The following GABRB2 variants were observed in gnomAD, a reference collection of about 807,000 sequenced individuals.
GABRB2 encodes the protein gamma-aminobutyric acid receptor subunit beta-2.
GABRB2 carries 16 observed loss-of-function variants against 54.7 expected under a neutral mutation model. The ratio of observed to expected loss-of-function variants is 0.29; its 90% CI spans 0.20 to 0.44. GABRB2 has a LOEUF of 0.44. GABRB2 is among the 20% of genes least tolerant of loss of function. The probability of loss-of-function intolerance (pLI) is 1.00; values close to 1 mark genes in which losing one functional copy is unlikely to be tolerated. For missense variants in GABRB2, 355 were observed against 644.0 expected (o/e 0.55, Z 4.86); for synonymous variants, 244 against 233.8 (o/e 1.04, Z -0.40).
intron 4 of GABRB2, among the ~76,000 whole-genome samples, chr5:161,447,240 G>A (rs1441366497): frequency 6.6e-6 from 1 of 152,124 alleles, no homozygotes; most frequent in Non-Finnish European, 1.5e-5. Flanking sequence ...AAGGCAGTCA[G>A]GTCCACAACC....
chr5:161,299,814 C>T (rs1351053312), intron 9 of GABRB2, among the ~76,000 whole-genome samples: 1 of 152,106 alleles, frequency 6.6e-6, no homozygotes, highest in Non-Finnish European at 1.5e-5. Flanking sequence ...AAGATCTCAA[C>T]AACTCTATAA....
rs192691513 is a variant in GABRB2 at position 161,360,187 on chromosome 5, T to G, written c.542-23418A>C. Reference sequence around the variant, plus strand: ...CACTGGACACTCCTGTTACCTAGGTTGTAATCTGTAACTATTATATTCCAT... The same window carrying G: ...CACTGGACACTCCTGTTACCTAGGTGGTAATCTGTAACTATTATATTCCAT... On this transcript the variant is annotated intron_variant, in intron 5 of 9. Transcript: ENST00000393959. 1.4e-4 allele frequency among the ~76,000 whole-genome samples: 21 copies of G among 152,296 alleles called. No individual in the cohort carries two copies. The East Asian group carries it at 2.7e-3, about 20-fold the overall frequency.
chr5:161,512,564 T>G (rs1759807934), intron 3 of GABRB2, among the ~76,000 whole-genome samples: 1 of 151,936 alleles, frequency 6.6e-6, no homozygotes, highest in South Asian at 2.1e-4. Context: ...AAAAAACTAA[T>G]TCAGGGTGGA....
chr5:161,402,369 T>C (rs1243611270), intron 5 of GABRB2, among the ~76,000 whole-genome samples: 6 of 152,162 alleles, frequency 3.9e-5, no homozygotes, highest in Non-Finnish European at 8.8e-5. Context: ...AATATTCATA[T>C]GTGTATTTAA....
At chr5:161,492,387 G>T (rs1221003828) in intron 3 of GABRB2, among the ~76,000 whole-genome samples, 1 of 151,648 alleles carries the variant, frequency 6.6e-6, no homozygotes, top group Non-Finnish European at 1.5e-5. Context: ...CTTGATAAGT[G>T]ATCGTCTATG....
chr5:161,407,918 C>A (rs1561639757), intron 5 of GABRB2, among the ~76,000 whole-genome samples: 1 of 151,876 alleles, frequency 6.6e-6, no homozygotes, highest in African/African-American at 2.4e-5. Context: ...CTATGAAACA[C>A]CCCCCATCCC....
At chr5:161,463,550 T>TA (rs1758182295) in intron 3 of GABRB2, among the ~76,000 whole-genome samples, 132 of 28,920 alleles carry the variant, frequency 4.6e-3, no homozygotes, top group East Asian at 9.0e-3. Context: ...TCCAAATATT[T>TA]TTATTTATAT....
chr5:161,497,528 A>ATG (rs1212086112), intron 3 of GABRB2, among the ~76,000 whole-genome samples: 4 of 77,130 alleles, frequency 5.2e-5, no homozygotes, highest in African/African-American at 1.2e-4. Context: ...GAGTGTGTGT[A>ATG]TATGTGTGTG....
At chr5:161,388,998 A>C (rs1321699406) in intron 5 of GABRB2, among the ~76,000 whole-genome samples, 1 of 152,034 alleles carries the variant, frequency 6.6e-6, no homozygotes, top group Non-Finnish European at 1.5e-5. Context: ...TTTATTTTCC[A>C]GAATCACAGA....
chr5:161,323,774 T>A (rs1461633764), intron 9 of GABRB2, among the ~76,000 whole-genome samples: 1 of 152,250 alleles, frequency 6.6e-6, no homozygotes, highest in African/African-American at 2.4e-5. Flanking sequence ...TGCAAGGTAA[T>A]TGTGTGCGTA....
intron 4 of GABRB2, among the ~76,000 whole-genome samples, chr5:161,440,415 G>T (rs1029592737): frequency 5.9e-5 from 9 of 152,088 alleles, no homozygotes; most frequent in African/African-American, 2.2e-4. Flanking sequence ...CATGCCAGCG[G>T]AAACCAAAAC....
chr5:161,344,878 G>A (rs1188009470), intron 5 of GABRB2, among the ~76,000 whole-genome samples: 1 of 152,104 alleles, frequency 6.6e-6, no homozygotes. Context: ...AAAAAGATGA[G>A]TTCATGTCCT....
At chr5:161,398,773 T>C (rs1326904117) in intron 5 of GABRB2, among the ~76,000 whole-genome samples, 1 of 151,992 alleles carries the variant, frequency 6.6e-6, no homozygotes, top group Non-Finnish European at 1.5e-5. Flanking sequence ...CACTGCAACC[T>C]CTGCCACCCC....
At chr5:161,525,437 C>T (rs1561682196) in intron 3 of GABRB2, among the ~76,000 whole-genome samples, 3 of 151,220 alleles carry the variant, frequency 2.0e-5, no homozygotes, top group Non-Finnish European at 4.5e-5. Flanking sequence ...ATTTAGTAAG[C>T]ATTCTATTTA....
At chr5:161,423,035 T>C (rs1187330316) in intron 4 of GABRB2, among the ~76,000 whole-genome samples, 1 of 152,208 alleles carries the variant, frequency 6.6e-6, no homozygotes, top group East Asian at 1.9e-4. Context: ...AACTATTCCA[T>C]CTTTGAAAAG....
intron 3 of GABRB2, among the ~76,000 whole-genome samples, chr5:161,472,102 G>A (rs922163522): frequency 2.0e-5 from 3 of 151,834 alleles, no homozygotes; most frequent in Non-Finnish European, 2.9e-5. Context: ...CCCAAAGAAA[G>A]TGATTAGTAG....
rs769936119 is a variant in GABRB2, at chr5:161,334,739, T to C, written c.832+13A>G. 7 of 1,612,468 alleles carry C rather than the reference T, an allele frequency of 4.3e-6. No homozygotes were observed. Among genetic ancestry groups the C allele is most frequent in the Admixed American group, 3.3e-5 (2 of 59,756 alleles). ...CAGAGTCAAAATCCACAAGCAGTAA[T>C]AAAATGGCCTACCTAATGCCACCCT... On this transcript the variant is annotated intron_variant, in intron 7 of 9. Transcript: ENST00000393959.
chr5:161,481,380 A>G (rs1758757483), intron 3 of GABRB2, among the ~76,000 whole-genome samples: 1 of 152,058 alleles, frequency 6.6e-6, no homozygotes, highest in African/African-American at 2.4e-5. Flanking sequence ...TCTAATTATT[A>G]CTCATACGTA....
At chr5:161,441,032 A>G (rs539191029) in intron 4 of GABRB2, among the ~76,000 whole-genome samples, 2 of 152,316 alleles carry the variant, frequency 1.3e-5, no homozygotes, top group South Asian at 4.1e-4. Flanking sequence ...ATTGGGGAAA[A>G]TCTCCAAGAC....
Sources: allele counts gnomAD v4.1 joint callset (sites outside exome capture counted in the v4.1 genomes callset), GRCh38; gene constraint gnomAD v4.1.1; transcripts MANE v1.5; gene names NCBI Gene and HGNC (gene_info 2026-07-23, HGNC 2026-07-21).